The following DAB1 variants were observed in gnomAD, a reference collection of about 807,000 sequenced individuals.
The protein encoded by DAB1 is disabled homolog 1.
In DAB1, 15 loss-of-function variants were observed where a neutral mutation model predicts 64.6. That is an observed-to-expected ratio of 0.23 (90% confidence interval 0.16 to 0.36). The LOEUF is 0.36. Ranked by LOEUF, DAB1 falls within the 10% of genes least tolerant of loss-of-function variation. The pLI is 1.00. For synonymous variants in DAB1, 235 were observed against 251.9 expected (o/e 0.93, Z 0.64); for missense variants, 596 against 706.7 (o/e 0.84, Z 1.78).
At chr1:57,983,860 G>A (rs986859635) in intron 5 of DAB1, among the ~76,000 whole-genome samples, 4 of 152,118 alleles carry the variant, frequency 2.6e-5, no homozygotes, top group South Asian at 2.1e-4. Context: ...CAGTGAGCCC[G>A]AAATGTGTTT....
At chr1:57,528,952 C>T (rs1644628967) in intron 7 of DAB1, among the ~76,000 whole-genome samples, 1 of 151,890 alleles carries the variant, frequency 6.6e-6, no homozygotes, top group African/African-American at 2.4e-5. Context: ...GAAACAATAC[C>T]AGACAGAAGA....
chr1:58,230,026 T>A (rs1347232594), intron 4 of DAB1, among the ~76,000 whole-genome samples: 1 of 152,212 alleles, frequency 6.6e-6, no homozygotes, highest in East Asian at 1.9e-4. Flanking sequence ...CCAGTCTCAC[T>A]GAGTCTTAAC....
At chr1:57,487,651 G>A (rs1280802686) in intron 7 of DAB1, among the ~76,000 whole-genome samples, 2 of 152,170 alleles carry the variant, frequency 1.3e-5, no homozygotes, top group South Asian at 2.1e-4. Flanking sequence ...TACAGTAACA[G>A]GCTGTCCAGA....
rs150779245 is a variant in DAB1, at chr1:57,779,903, C to T, written n.551+104096G>A. On this transcript the variant is annotated intron_variant and non_coding_transcript_variant, in intron 6 of 20. Coordinates refer to the DAB1 transcript ENST00000485760. ...TGCCATTCTCCATCAAGAAGAGAGG[C>T]CTGAGGCCACCAAAGCCATTTTCTA... Among the ~76,000 whole-genome samples, 17 of 152,216 alleles carry T rather than the reference C, an allele frequency of 1.1e-4. No homozygotes were observed. The East Asian group carries it at 3.1e-3, about 28-fold the overall frequency.
intron 5 of DAB1, among the ~76,000 whole-genome samples, chr1:58,127,600 A>G (rs1453187916): frequency 3.3e-5 from 5 of 152,188 alleles, no homozygotes; most frequent in Admixed American, 1.3e-4. Flanking sequence ...TAGGTCTAAC[A>G]TTTAACTCTT....
intron 7 of DAB1, among the ~76,000 whole-genome samples, chr1:57,535,655 T>G (rs1644718348): frequency 6.6e-6 from 1 of 151,868 alleles, no homozygotes; most frequent in Non-Finnish European, 1.5e-5. Flanking sequence ...AGAGACAGAG[T>G]TTCACTATGT....
At chr1:57,519,509 G>A (rs11803909) in intron 7 of DAB1, among the ~76,000 whole-genome samples, 1 of 152,088 alleles carries the variant, frequency 6.6e-6, no homozygotes, top group African/African-American at 2.4e-5. Context: ...AACTCAGAGG[G>A]ATGAAAGAGT....
chr1:57,368,875 G>A (rs1206883321), intron 1 of DAB1, among the ~76,000 whole-genome samples: 3 of 152,038 alleles, frequency 2.0e-5, no homozygotes, highest in Admixed American at 2.0e-4. Flanking sequence ...CTGAATATGG[G>A]TAAACTTACC....
chr1:57,485,351 T>C (rs546636862), intron 7 of DAB1, among the ~76,000 whole-genome samples: 1 of 152,342 alleles, frequency 6.6e-6, no homozygotes, highest in South Asian at 2.1e-4. Context: ...CTGAATGTAT[T>C]ACTTACCCCC....
intron 2 of DAB1, among the ~76,000 whole-genome samples, chr1:57,260,703 A>G (rs147257294): frequency 1.3e-5 from 2 of 152,226 alleles, no homozygotes; most frequent in African/African-American, 4.8e-5. Flanking sequence ...GGACTCACCT[A>G]AGGTCACAAA....
intron 4 of DAB1, among the ~76,000 whole-genome samples, chr1:57,088,988 A>AAGG (rs753333084): frequency 2.2e-4 from 34 of 152,346 alleles, no homozygotes; most frequent in South Asian, 4.1e-4. Flanking sequence ...CAGACCCTGG[A>AAGG]GCCAGAGGTC....
downstream of DAB1, among the ~76,000 whole-genome samples, chr1:57,825,579 T>C (rs909075779): frequency 7.2e-5 from 11 of 152,168 alleles, no homozygotes; most frequent in African/African-American, 2.4e-4. Flanking sequence ...GAATAATAGA[T>C]CTGGTAGCAG....
At chr1:57,049,265 C>T (rs555038437) in intron 9 of DAB1, among the ~76,000 whole-genome samples, 11 of 151,346 alleles carry the variant, frequency 7.3e-5, no homozygotes, top group South Asian at 2.1e-4. Context: ...CTGGCTAACA[C>T]GGTGAAACCC....
chr1:57,436,249 C>G (rs1685691845), intron 7 of DAB1, among the ~76,000 whole-genome samples: 1 of 152,088 alleles, frequency 6.6e-6, no homozygotes, highest in South Asian at 2.1e-4. Flanking sequence ...ACAGCTAGCT[C>G]AGTAAGTTTG....
At chr1:57,796,562 T>A (rs766037934) in intron 6 of DAB1, among the ~76,000 whole-genome samples, 2 of 132,956 alleles carry the variant, frequency 1.5e-5, no homozygotes, top group Non-Finnish European at 3.0e-5. Flanking sequence ...ATAATAATAA[T>A]CATAATCATA....
At chr1:57,275,600 C>T (rs1671396197) in intron 2 of DAB1, among the ~76,000 whole-genome samples, 1 of 152,014 alleles carries the variant, frequency 6.6e-6, no homozygotes, top group South Asian at 2.1e-4. Flanking sequence ...AACAGATGAA[C>T]CAAAAAATCA....
intron 7 of DAB1, among the ~76,000 whole-genome samples, chr1:57,459,946 C>T (rs937479385): frequency 6.6e-6 from 1 of 152,082 alleles, no homozygotes; most frequent in African/African-American, 2.4e-5. Context: ...TATTCCTGGC[C>T]CTCAGTTTTC....
chr1:58,236,976 G>A (rs1048658410), intron 4 of DAB1, among the ~76,000 whole-genome samples: 3 of 152,094 alleles, frequency 2.0e-5, no homozygotes, highest in Non-Finnish European at 4.4e-5. Context: ...CTAGGTCCTT[G>A]GTCCTTATAC....
At chr1:57,569,574 A>G (rs1397006401) in intron 7 of DAB1, among the ~76,000 whole-genome samples, 2 of 151,770 alleles carry the variant, frequency 1.3e-5, no homozygotes, top group African/African-American at 4.8e-5. Flanking sequence ...AGGAAGAGGA[A>G]CATCATACAC....
Sources: allele counts gnomAD v4.1 joint callset (sites outside exome capture counted in the v4.1 genomes callset), GRCh38; gene constraint gnomAD v4.1.1; transcripts MANE v1.5; gene names NCBI Gene and HGNC (gene_info 2026-07-23, HGNC 2026-07-21).